KDM5D: variants seen among roughly 807,000 people sequenced by gnomAD.
KDM5D encodes lysine demethylase 5D.
Under a neutral mutation model 31.9 loss-of-function variants are expected in KDM5D, and 25 were observed. The ratio of observed to expected loss-of-function variants is 0.78; its 90% confidence interval spans 0.57 to 1.09. The LOEUF (loss-of-function observed/expected upper bound fraction) is 1.09, where lower values mean the gene tolerates loss of function less well. Ranked by LOEUF, KDM5D falls within the 50% of genes least tolerant of loss-of-function variation. KDM5D has a pLI of 0.00. For missense variants in KDM5D, 366 were observed against 341.6 expected (o/e 1.07, Z -0.56); for synonymous variants, 146 against 122.3 (o/e 1.19, Z -1.28).
At chrY:19,728,053 A>C (rs2045445532) in intron 11 of KDM5D, among the ~76,000 whole-genome samples, 1 of 33,190 alleles carries the variant, frequency 3.0e-5, no homozygotes, top group Non-Finnish European at 7.4e-5. Flanking sequence ...ATTTTTCAGA[A>C]GTGGTAAAAG....
intron 18 of KDM5D, among the ~76,000 whole-genome samples, chrY:19,714,067 CAT>C (rs2045317355): frequency 3.0e-5 from 1 of 33,222 alleles, no homozygotes; most frequent in African/African-American, 1.2e-4. Flanking sequence ...TCAAATACCA[CAT>C]GTTCTCACTA....
At chrY:19,729,772 T>C in intron 11 of KDM5D, among the ~76,000 whole-genome samples, 3 of 33,575 alleles carry the variant, frequency 8.9e-5, no homozygotes, top group Admixed American at 5.5e-4. Context: ...TAATGGAAAG[T>C]GTTTGACCTT....
Position 19,709,727 on chromosome Y carries a change from C to A in KDM5D, c.2666G>T (p.Arg889Leu). The A allele has an allele frequency of 2.5e-6, 1 of 395,391 alleles. No individual in the cohort carries two copies. Among genetic ancestry groups the A allele is most frequent in the African/African-American group, 6.4e-5 (1 of 15,537 alleles). The change falls in exon 20 of 27, where the codon CGG (arginine) becomes CTG (leucine). Residue 889 changes from arginine (R) to leucine (L), a missense_variant. Arg to Leu is a moderately radical substitution (Grantham distance 102). Coordinates refer to ENST00000317961, the MANE Select transcript of KDM5D (RefSeq NM_004653.5). Reference sequence around the variant, plus strand: ...CTGCTGCCCCCTCTCCAACAGGGACCGCAATAGCCCTGGACTAGAGGGCAG... The same window carrying A: ...CTGCTGCCCCCTCTCCAACAGGGACAGCAATAGCCCTGGACTAGAGGGCAG... ...ATLPSSPGLL[R>L]SLLERGQQLG...
At position 19,707,970 on chromosome Y, in the gene KDM5D, C is replaced by T. The variant is rs199572451; in HGVS notation, c.3363G>A (p.Gly1121=). The T allele has an allele frequency of 6.7e-4, 265 of 395,414 alleles. No homozygotes were observed. Among genetic ancestry groups the T allele is most frequent in the Middle Eastern group, 2.4e-3 (4 of 1,701 alleles). Residue 1121 remains glycine, a synonymous_variant, in exon 23 of 27, where the codon GGG becomes GGA. Coordinates refer to ENST00000317961, the MANE Select transcript of KDM5D (RefSeq NM_004653.5). ...GLYQCDTELL[G]LSAQDLRDPG... Reference sequence around the variant, plus strand: ...GGTCTCTGAGGTCCTGTGCAGACAGCCCCAGCAGCTCTGTGTCACACTGGT... The same window carrying T: ...GGTCTCTGAGGTCCTGTGCAGACAGTCCCAGCAGCTCTGTGTCACACTGGT...
Position 19,735,476 on chromosome Y carries a change from G to A in KDM5D, c.809C>T (p.Thr270Met), listed in dbSNP as rs746730690. Residue 270 changes from threonine (T) to methionine (M), a missense_variant, in exon 8 of 27, where the codon ACG (threonine) becomes ATG (methionine). Coordinates refer to ENST00000317961, the MANE Select transcript of KDM5D (RefSeq NM_004653.5). ...ACCTCCACTTTGCTCATCCTTCACC[G>A]TAACAGTTGGGGGGCATGTGACTAG... The part of the protein sequence containing the change: ...HKKVTCPPTV[T>M]VKDEQSGGGN... 1.3e-5 allele frequency: 5 copies of A among 396,209 alleles called. No individual in the cohort carries two copies. The highest frequency in any genetic ancestry group is 3.0e-5 in the South Asian group (1 of 33,551).
At chrY:19,731,730 G>A in intron 11 of KDM5D, 42 bp downstream of exon 11, 5 of 332,248 alleles carry the variant, frequency 1.5e-5, no homozygotes, top group Non-Finnish European at 2.2e-5. Flanking sequence ...GCTAAAATGA[G>A]TTTCCCTAGT....
At position 19,706,231 on chromosome Y, in the gene KDM5D, G is replaced by A. The variant is rs1603545676; in HGVS notation, c.4384C>T (p.Leu1462Phe). 7.6e-6 allele frequency: 3 copies of A among 392,643 alleles called. No individual in the cohort carries two copies. The highest frequency in any genetic ancestry group is 9.4e-5 in the East Asian group (1 of 10,606). The change falls in exon 27 of 27, where the codon CTT becomes TTT. Residue 1462 changes from leucine to phenylalanine, a missense_variant. Transcript: ENST00000317961. ...RNVENLVQQE[L>F]QSKRARSSGI... ...GAGCTCCGAGCCCTTTTTGACTGAA[G>A]CTCCTGTTGAACAAGATTCTCAACG...
chrY:19,715,756 G>A lies in KDM5D; in HGVS notation c.2214-17C>T, dbSNP rs2045334807. The A allele has an allele frequency of 1.3e-5, 5 of 396,054 alleles. No individual in the cohort carries two copies. Among genetic ancestry groups the A allele is most frequent in the Non-Finnish European group, 1.8e-5 (5 of 282,887 alleles). On this transcript the variant is annotated splice_polypyrimidine_tract_variant and intron_variant, in intron 16 of 26. Coordinates refer to ENST00000317961, the MANE Select transcript of KDM5D (RefSeq NM_004653.5). Reference sequence around the variant, plus strand: ...TACCGATACCTAGAGGAAGAAAGCCGGGAAGGGTACACATCTGGCCCAGCT... The same window carrying A: ...TACCGATACCTAGAGGAAGAAAGCCAGGAAGGGTACACATCTGGCCCAGCT...
At position 19,715,840 on chromosome Y, in the gene KDM5D, A is replaced by C. The variant is rs781740926; in HGVS notation, c.2196T>G (p.Ser732Arg). 2.5e-6 allele frequency: 1 copy of C among 398,962 alleles called. No individual in the cohort carries two copies. The highest frequency in any genetic ancestry group is 3.5e-6 in the Non-Finnish European group (1 of 283,522). Reference sequence around the variant, plus strand: ...ATGCTCACCGGAGGTACTGTCGGCTACTAGAGCACTTGCAGAGGTCATTGA... The same window carrying C: ...ATGCTCACCGGAGGTACTGTCGGCTCCTAGAGCACTTGCAGAGGTCATTGA... ...SHINDLCKCS[S>R]SRQYLRYRYT... Residue 732 changes from serine to arginine, a missense_variant, in exon 16 of 27, where the codon AGT (serine) becomes AGG (arginine). By Grantham distance (110) the Ser-to-Arg change is moderately radical. Transcript: ENST00000317961.
At chrY:19,737,873 G>C (rs2124217113) in intron 6 of KDM5D, among the ~76,000 whole-genome samples, 1 of 32,940 alleles carries the variant, frequency 3.0e-5, no homozygotes, top group Admixed American at 2.8e-4. Context: ...ACCCAGGCTG[G>C]AGTGCAGTGG....
chrY:19,741,531 G>A, intron 4 of KDM5D, 43 bp from the exon 5 acceptor site: 3 of 300,585 alleles, frequency 1.0e-5, no homozygotes, highest in Non-Finnish European at 1.5e-5. Context: ...TGAACAGACT[G>A]GAAAGGGCTA....
chrY:19,716,655 T>C lies in KDM5D; in HGVS notation c.1777A>G (p.Ser593Gly). 2.5e-6 allele frequency: 1 copy of C among 396,665 alleles called. No homozygotes were observed. The highest frequency in any genetic ancestry group is 6.3e-5 in the African/African-American group (1 of 15,786). ...FVITFPRAYH[S>G]GFNQGYNFAE... ...AAATTGTAGCCTTGGTTAAAACCAC[T>C]GTGGTAAGCACGAGGAAAAGTGATG... The change falls in exon 14 of 27, where the codon AGT (serine) becomes GGT (glycine). Residue 593 changes from serine to glycine, a missense_variant. Coordinates refer to ENST00000317961, the MANE Select transcript of KDM5D (RefSeq NM_004653.5).
chrY:19,740,980 C>CA (rs2045545749), intron 5 of KDM5D, among the ~76,000 whole-genome samples: 1 of 31,397 alleles, frequency 3.2e-5, no homozygotes, highest in Non-Finnish European at 7.8e-5. Flanking sequence ...CACTCCATTT[C>CA]AAAAAAAAAG....
At position 19,705,865 on chromosome Y, in the gene KDM5D, A is replaced by G; in HGVS notation, c.*130T>C. The G allele has an allele frequency of 1.2e-5, 2 of 160,974 alleles. No individual in the cohort carries two copies. The highest frequency in any genetic ancestry group is 5.1e-5 in the South Asian group (1 of 19,718). 40.2% of individuals were successfully genotyped at this position (160,974 alleles called of 400,897 possible). A position where few individuals can be genotyped will look rare whatever the true frequency, so the allele number is the denominator to read the frequency against. On this transcript the variant is annotated 3_prime_UTR_variant, in exon 27 of 27. Transcript: ENST00000317961. ...CCTTTTAACAGTAACTCTAGGAGAG[A>G]GGATATCAAAAATTGGCAGTGAAAA...
chrY:19,737,846 CAG>C (rs2045520529), intron 6 of KDM5D, among the ~76,000 whole-genome samples: 2 of 32,391 alleles, frequency 6.2e-5, no homozygotes, highest in African/African-American at 2.4e-4. Flanking sequence ...TTGTTTTTGA[CAG>C]AGTCTTGCTC....
At chrY:19,729,956 A>G in intron 11 of KDM5D, among the ~76,000 whole-genome samples, 4 of 33,527 alleles carry the variant, frequency 1.2e-4, no homozygotes, top group Admixed American at 1.1e-3. Flanking sequence ...ACTTCTAAAC[A>G]TAGAACCTAG....
intron 2 of KDM5D, among the ~76,000 whole-genome samples, chrY:19,744,077 A>G (rs2045579544): frequency 3.0e-5 from 1 of 33,742 alleles, no homozygotes; most frequent in Admixed American, 2.7e-4. Flanking sequence ...TGAGTAAGCT[A>G]TTTTTTTGCG....
Position 19,707,195 on chromosome Y carries a change from G to A in KDM5D, c.3951C>T (p.Ala1317=). Reference sequence around the variant, plus strand: ...CTTCTCTGATAGGGTCACAGGCAGTGGCTGAAGTGTAGACTGAGGCCTCCT... The same window carrying A: ...CTTCTCTGATAGGGTCACAGGCAGTAGCTGAAGTGTAGACTGAGGCCTCCT... ...RPEEASVYTS[A]TACDPIREGS... The change falls in exon 24 of 27, where the codon GCC becomes GCT. Residue 1317 remains alanine, a synonymous_variant. Transcript: ENST00000317961. 1 of 396,815 alleles carries A rather than the reference G, an allele frequency of 2.5e-6. No homozygotes were observed. The highest frequency in any genetic ancestry group is 3.5e-6 in the Non-Finnish European group (1 of 281,986).
chrY:19,735,143 C>T, intron 8 of KDM5D, among the ~76,000 whole-genome samples: 4 of 32,998 alleles, frequency 1.2e-4, no homozygotes, highest in African/African-American at 4.7e-4. Context: ...GTGAAAAGTT[C>T]TATCTAAAAA....
Sources: allele counts gnomAD v4.1 joint callset (sites outside exome capture counted in the v4.1 genomes callset), GRCh38; gene constraint gnomAD v4.1.1; transcripts MANE v1.5; gene names NCBI Gene and HGNC (gene_info 2026-07-23, HGNC 2026-07-21).